The following GFPT1 variants were observed in gnomAD, a reference collection of about 807,000 sequenced individuals.
GFPT1 encodes the protein glutamine--fructose-6-phosphate transaminase 1.
A neutral mutation model predicts 92.0 loss-of-function variants in GFPT1; 40 were observed. The ratio of observed to expected loss-of-function variants is 0.43; its 90% CI spans 0.34 to 0.57. The LOEUF is 0.57. Ranked by LOEUF, GFPT1 falls within the 20% of genes least tolerant of loss-of-function variation. The probability of loss-of-function intolerance (pLI) is 0.02; values close to 1 mark genes in which losing one functional copy is unlikely to be tolerated. For missense variants in GFPT1, 448 were observed against 869.1 expected, an observed-to-expected ratio of 0.52 and a Z score of 6.09; for synonymous variants, 269 against 280.6, an observed-to-expected ratio of 0.96 and a Z score of 0.41.
intron 12 of GFPT1, among the ~76,000 whole-genome samples, chr2:69,344,186 C>CAAAAAAAAAAAAAA (rs10602884): frequency 1.4e-4 from 9 of 64,516 alleles, no homozygotes; most frequent in Non-Finnish European, 1.9e-4. Context: ...AAAAGCAAAG[C>CAAAAAAAAAAAAAA]AAAAAAAAAA....
chr2:69,369,275 C>CCT lies in GFPT1; in HGVS notation c.223+724_223+725dup, dbSNP rs1456699268. Among the ~76,000 whole-genome samples the CCT allele has an allele frequency of 2.0e-5, 3 of 151,810 alleles. No homozygotes were observed. The East Asian group carries it at 5.8e-4, about 29-fold the overall frequency. The stretch of plus-strand genomic sequence containing the variant: ...AAAAAAAGACAAAATCCATCATTTT[C>CCT]CTCTACCTGTACTCTTTTACAATGA... On this transcript the variant is annotated intron_variant, in intron 3 of 19. Transcript: ENST00000357308.
At chr2:69,384,182 T>A (rs986324964) in intron 1 of GFPT1, among the ~76,000 whole-genome samples, 1 of 152,158 alleles carries the variant, frequency 6.6e-6, no homozygotes, top group Non-Finnish European at 1.5e-5. Context: ...ACATTAAAGA[T>A]TCCAAGAAAT....
chr2:69,371,396 C>T (rs1263416079), intron 2 of GFPT1: 2 of 151,744 alleles, frequency 1.3e-5, no homozygotes, highest in African/African-American at 4.8e-5. Flanking sequence ...AATTTTTGAA[C>T]ATGCAAAGTT....
intron 3 of GFPT1, among the ~76,000 whole-genome samples, chr2:69,367,452 C>T (rs1319870722): frequency 6.6e-6 from 1 of 152,122 alleles, no homozygotes; most frequent in Non-Finnish European, 1.5e-5. Context: ...CCTCCGCCTC[C>T]TGGATTCAAG....
chr2:69,329,179 TA>T lies in GFPT1; in HGVS notation c.1725+117del. 6.8e-6 allele frequency: 7 copies of T among 1,025,680 alleles called. No individual in the cohort carries two copies. In the Admixed American group the frequency reaches 7.0e-5, roughly 10 times the overall value. 63.5% of individuals were successfully genotyped at this position (1,025,680 alleles called of 1,614,324 possible). On this transcript the variant is annotated intron_variant, in intron 17 of 19. Transcript: ENST00000357308. ...CTCAAAGTAAACAAACCACAATGCA[TA>T]AATACAGAAGCACTTTCAAAAGTTC... is the stretch of plus-strand genomic sequence containing the variant.
intron 15 of GFPT1, among the ~76,000 whole-genome samples, chr2:69,333,993 T>A (rs575263069): frequency 6.6e-6 from 1 of 152,164 alleles, no homozygotes; most frequent in African/African-American, 2.4e-5. Context: ...CAGTCTCTAC[T>A]AAAAATACAA....
chr2:69,349,362 A>T (rs1361016527), intron 10 of GFPT1, among the ~76,000 whole-genome samples: 1 of 152,228 alleles, frequency 6.6e-6, no homozygotes, highest in East Asian at 1.9e-4. Flanking sequence ...AATCTTACAC[A>T]TCTTAGCCCT....
At chr2:69,338,273 AG>A (rs1670851971) in intron 14 of GFPT1, among the ~76,000 whole-genome samples, 171 bp downstream of exon 14, 1 of 152,210 alleles carries the variant, frequency 6.6e-6, no homozygotes, top group Non-Finnish European at 1.5e-5. Flanking sequence ...TGAACACAAA[AG>A]GTGTTCATTT....
At chr2:69,364,386 G>T (rs1300951731) in intron 3 of GFPT1, among the ~76,000 whole-genome samples, 1 of 152,146 alleles carries the variant, frequency 6.6e-6, no homozygotes. Flanking sequence ...ATTCTTTCAA[G>T]TTTCCTGGAG....
Position 69,326,107 on chromosome 2 carries a change from T to C in GFPT1, c.*82A>G, listed in dbSNP as rs749695845. 7 of 864,622 alleles carry C rather than the reference T, an allele frequency of 8.1e-6. No homozygotes were observed. The highest frequency in any genetic ancestry group is 1.9e-6 in the Non-Finnish European group (1 of 520,414). The allele number at this position is 864,622 out of a possible 1,614,324, so 53.6% of individuals were successfully genotyped here. ...ACTAAAAAAAGGCTTCAAGGGGTGATATTTTAAATCAAGGTTTTAAATACA... is the reference window on the plus strand; with the variant it reads ...ACTAAAAAAAGGCTTCAAGGGGTGACATTTTAAATCAAGGTTTTAAATACA... On this transcript the variant is annotated 3_prime_UTR_variant, in exon 20 of 20. Coordinates refer to ENST00000357308, the MANE Select transcript of GFPT1 (RefSeq NM_001244710.2).
chr2:69,362,784 G>A (rs1273110557), intron 4 of GFPT1, among the ~76,000 whole-genome samples: 3 of 152,032 alleles, frequency 2.0e-5, no homozygotes, highest in South Asian at 2.1e-4. Context: ...GCGACACAGC[G>A]AGACTTGGTC....
At chr2:69,380,541 G>A (rs543048555) in intron 1 of GFPT1, among the ~76,000 whole-genome samples, 1 of 152,212 alleles carries the variant, frequency 6.6e-6, no homozygotes, top group South Asian at 2.1e-4. Context: ...CAAATCACTA[G>A]TTAAGTCATG....
chr2:69,386,600 T>C (rs1474662328), intron 1 of GFPT1, among the ~76,000 whole-genome samples: 1 of 152,218 alleles, frequency 6.6e-6, no homozygotes, highest in African/African-American at 2.4e-5. Context: ...CTGTTTTCTA[T>C]TGGGCCTCCC....
At chr2:69,329,915 T>C (rs1220913942) in intron 15 of GFPT1, 117 bp from the exon 16 acceptor site, 1 of 726,742 alleles carries the variant, frequency 1.4e-6, no homozygotes, top group African/African-American at 1.7e-5. Flanking sequence ...ATATATTCTC[T>C]ATCTCTTAAA....
In GFPT1 at chr2:69,326,956, T is replaced by C. The variant is rs2104595363; in HGVS notation, c.2013A>G (p.Leu671=). 6.2e-7 allele frequency: 1 copy of C among 1,614,196 alleles called. No homozygotes were observed. The highest frequency in any genetic ancestry group is 1.1e-5 in the South Asian group (1 of 91,086). The stretch of plus-strand genomic sequence containing the variant: ...CAGCAAGGTGGAAAGCCAGCAACTG[T>C]AAAGGGATCACGCTGAGAATGCCCT... ...CLQGILSVIP[L]QLLAFHLAVL... Residue 671 remains leucine (L), a synonymous_variant, in exon 19 of 20, where the codon TTA becomes TTG. Transcript: ENST00000357308.
chr2:69,382,936 C>T (rs1672044620), intron 1 of GFPT1, among the ~76,000 whole-genome samples: 1 of 152,218 alleles, frequency 6.6e-6, no homozygotes, highest in Admixed American at 6.5e-5. Context: ...GAAGCTGTTG[C>T]ATGTGCATTC....
At chr2:69,346,973 G>A (rs1383127363) in intron 11 of GFPT1, among the ~76,000 whole-genome samples, 3 of 151,814 alleles carry the variant, frequency 2.0e-5, no homozygotes, top group East Asian at 3.9e-4. Context: ...GCAGCGGCAC[G>A]ATCTCACCTC....
intron 3 of GFPT1, among the ~76,000 whole-genome samples, chr2:69,366,418 A>G (rs1388998244): frequency 1.3e-5 from 2 of 152,134 alleles, no homozygotes; most frequent in Non-Finnish European, 2.9e-5. Context: ...CCTTTGCTGA[A>G]TCTTAAGTCT....
chr2:69,369,985 A>G lies in GFPT1; in HGVS notation c.223+16T>C. ...GAGAAGGGGAAAGGGGACAAAAATC[A>G]AATTAAGTACGTTACTGTGAACTTC... On this transcript the variant is annotated intron_variant, in intron 3 of 19. Transcript: ENST00000357308. 7.3e-7 allele frequency: 1 copy of G among 1,378,850 alleles called. No individual in the cohort carries two copies. The highest frequency in any genetic ancestry group is 1.0e-6 in the Non-Finnish European group (1 of 965,032). The allele number at this position is 1,378,850 out of a possible 1,614,324, so 85.4% of individuals were successfully genotyped here.
Sources: allele counts gnomAD v4.1 joint callset (sites outside exome capture counted in the v4.1 genomes callset), GRCh38; gene constraint gnomAD v4.1.1; transcripts MANE v1.5; gene names NCBI Gene and HGNC (gene_info 2026-07-23, HGNC 2026-07-21).